The following KDM5B variants were observed in gnomAD, a reference collection of about 807,000 sequenced individuals.
The protein encoded by KDM5B is lysine demethylase 5B, also known as lysine-specific demethylase 5B.
KDM5B carries 144 observed loss-of-function variants against 193.4 expected under a neutral mutation model. That is an observed-to-expected ratio of 0.74 (90% CI 0.65 to 0.86). KDM5B has a LOEUF of 0.86. KDM5B is among the 40% of genes least tolerant of loss of function. The probability of loss-of-function intolerance (pLI) is 0.00; values close to 1 mark genes in which losing one functional copy is unlikely to be tolerated. For synonymous variants in KDM5B, 668 were observed against 682.6 expected, an observed-to-expected ratio of 0.98 and a Z score of 0.33; for missense variants, 1,833 against 1,886.9, an observed-to-expected ratio of 0.97 and a Z score of 0.53.
Position 202,733,650 on chromosome 1 carries a change from A to G in KDM5B, c.3660T>C (p.His1220=). The change falls in exon 23 of 27, where the codon CAT becomes CAC. Residue 1220 remains histidine (H), a synonymous_variant. Coordinates refer to ENST00000367265, the MANE Select transcript of KDM5B (RefSeq NM_006618.5). The stretch of plus-strand genomic sequence containing the variant: ...ATGGAGGTTTCTCTGACCTCCGACA[A>G]TGGGGACAAAGCCAGATTCGCAGGC... ...SQGLRIWLCP[H]CRRSEKPPLE... is the part of the protein sequence containing the mutation. The G allele has an allele frequency of 6.2e-7, 1 of 1,614,090 alleles. No homozygotes were observed. The highest frequency in any genetic ancestry group is 1.3e-5 in the African/African-American group (1 of 75,030).
chr1:202,774,496 G>A, intron 3 of KDM5B, 117 bp downstream of exon 3: 2 of 869,476 alleles, frequency 2.3e-6, no homozygotes, highest in Non-Finnish European at 3.6e-6. Context: ...CCAAAGTGCT[G>A]AGATTACAGG....
At chr1:202,788,447 A>C (rs541577498) in intron 1 of KDM5B, among the ~76,000 whole-genome samples, 8 of 152,248 alleles carry the variant, frequency 5.3e-5, no homozygotes, top group Non-Finnish European at 1.2e-4. Context: ...AGTAAATAAA[A>C]ATATAGTAGT....
intron 13 of KDM5B, 40 bp downstream of exon 13, chr1:202,750,616 AAAC>A: frequency 6.3e-7 from 1 of 1,599,384 alleles, no homozygotes; most frequent in South Asian, 1.1e-5. Flanking sequence ...TCCTCAGGAA[AAAC>A]AATAAATTTG....
At chr1:202,773,934 G>A (rs753826659) in intron 3 of KDM5B, among the ~76,000 whole-genome samples, 4 of 151,908 alleles carry the variant, frequency 2.6e-5, no homozygotes, top group South Asian at 2.1e-4. Context: ...ACGGGGTTTC[G>A]ACATGTTGGT....
chr1:202,753,664 G>T lies in KDM5B; in HGVS notation c.1539-597C>A, dbSNP rs868353990. On this transcript the variant is annotated intron_variant, in intron 11 of 26. Transcript: ENST00000367265. Reference sequence around the variant, plus strand: ...CTAGAATTTCTCTTTTGTTGTTGTTGTTTTTTTTTTGTTTTTTTTTTTTGA... The same window carrying T: ...CTAGAATTTCTCTTTTGTTGTTGTTTTTTTTTTTTTGTTTTTTTTTTTTGA... 4.3e-4 allele frequency among the ~76,000 whole-genome samples: 45 copies of T among 105,782 alleles called. 1 individual carries two copies. Among genetic ancestry groups the T allele is most frequent in the Non-Finnish European group, 7.6e-4 (37 of 48,748 alleles). 69.4% of individuals were successfully genotyped at this position (105,782 alleles called of 152,430 possible).
chr1:202,785,671 G>T (rs1472348833), intron 1 of KDM5B, among the ~76,000 whole-genome samples: 1 of 152,142 alleles, frequency 6.6e-6, no homozygotes, highest in Admixed American at 6.5e-5. Flanking sequence ...CAGCACTTTG[G>T]GAAGCCAAGG....
chr1:202,808,031 C>T lies in KDM5B; in HGVS notation c.204+71G>A. The T allele has an allele frequency of 2.7e-6, 4 of 1,489,692 alleles. No individual in the cohort carries two copies. In the Admixed American group the frequency reaches 8.8e-5, roughly 33 times the overall value. The allele number at this position is 1,489,692 out of a possible 1,614,324, so 92.3% of individuals were successfully genotyped here. A position where few individuals can be genotyped will look rare whatever the true frequency, so the allele number is the denominator to read the frequency against. On this transcript the variant is annotated intron_variant, in intron 1 of 26. Transcript: ENST00000367265. ...GCTCCCCGCCCCCCGCGCCTCGGGC[C>T]TCCCCGGACCCGCGCGTCCCCGCTC...
chr1:202,736,330 G>C lies in KDM5B; in HGVS notation c.3147C>G (p.Ile1049Met). ...TTGGCAAAGAATTCAGATGTACGGG[G>C]ATAGATCGGCCTCGTGTAACAAGTT... The part of the protein sequence containing the change: ...LIELVTRGRS[I>M]PVHLNSLPRL... The change falls in exon 21 of 27, where the codon ATC becomes ATG. Residue 1049 changes from isoleucine to methionine, a missense_variant. Around this residue, in one of 3 missense-constraint regions of KDM5B, gnomAD observed 1,379 missense variants for 1,349.6 expected, o/e 1.02. Coordinates refer to ENST00000367265, the MANE Select transcript of KDM5B (RefSeq NM_006618.5). 6.2e-7 allele frequency: 1 copy of C among 1,612,178 alleles called. No individual in the cohort carries two copies. Among genetic ancestry groups the C allele is most frequent in the Non-Finnish European group, 8.5e-7 (1 of 1,178,996 alleles).
intron 14 of KDM5B, among the ~76,000 whole-genome samples, chr1:202,748,510 TA>T (rs35471222): frequency 0.023 from 3,321 of 145,318 alleles, 97 homozygotes; most frequent in African/African-American, 0.07. Context: ...CTATCTGATT[TA>T]AAAAAAAAAA....
At chr1:202,739,671 T>A (rs995711242) in intron 20 of KDM5B, among the ~76,000 whole-genome samples, 11 of 152,122 alleles carry the variant, frequency 7.2e-5, no homozygotes, top group Non-Finnish European at 1.2e-4. Context: ...GGAGTGGTGA[T>A]GATTCTTAAT....
At chr1:202,748,907 C>A in intron 14 of KDM5B, 38 bp downstream of exon 14, 1 of 1,531,966 alleles carries the variant, frequency 6.5e-7, no homozygotes, top group South Asian at 1.2e-5. Flanking sequence ...TAAATAATAC[C>A]CAATGACAAC....
In KDM5B at chr1:202,764,103, T is replaced by C. The variant is rs764119486; in HGVS notation, c.754A>G (p.Arg252Gly). 2.5e-6 allele frequency: 4 copies of C among 1,588,614 alleles called. No homozygotes were observed. In the South Asian group the frequency reaches 3.5e-5, roughly 14 times the overall value. The change falls in exon 6 of 27, where the codon AGA (arginine) becomes GGA (glycine). Residue 252 changes from arginine to glycine, a missense_variant. Arg to Gly is a moderately radical substitution (Grantham distance 125, BLOSUM62 -2). Transcript: ENST00000367265. ...KIEPEETTEA[R>G]THNLRRRMGC... The stretch of plus-strand genomic sequence containing the variant: ...ATTCGACGTCTCAGATTATGAGTTC[T>C]GGCTTCCGTTGTCTCCTCGGGTTCT...
intron 1 of KDM5B, among the ~76,000 whole-genome samples, chr1:202,798,831 G>A (rs751532341): frequency 3.3e-5 from 5 of 152,056 alleles, no homozygotes; most frequent in Non-Finnish European, 5.9e-5. Flanking sequence ...AACCAGCCTC[G>A]GCAACACAGC....
chr1:202,794,533 CACATAAAGT>C (rs1322201434), intron 1 of KDM5B, among the ~76,000 whole-genome samples: 1 of 152,182 alleles, frequency 6.6e-6, no homozygotes, highest in Non-Finnish European at 1.5e-5. Context: ...TGCCTAAGGG[CACATAAAGT>C]ACATAGCTGG....
chr1:202,740,813 C>G lies in KDM5B; in HGVS notation c.2946-1G>C. 6.2e-7 allele frequency: 1 copy of G among 1,604,360 alleles called. No individual in the cohort carries two copies. Among genetic ancestry groups the G allele is most frequent in the Non-Finnish European group, 8.5e-7 (1 of 1,174,782 alleles). On this transcript the variant is annotated splice_acceptor_variant, in intron 19 of 26. Coordinates refer to ENST00000367265, the MANE Select transcript of KDM5B (RefSeq NM_006618.5). LOFTEE classifies it high-confidence loss of function. ...AAGGCTATTCAATGAATGTCGTGGCCTACAAAATGCAAACAAAGACTTCTT... is the reference window on the plus strand; with the variant it reads ...AAGGCTATTCAATGAATGTCGTGGCGTACAAAATGCAAACAAAGACTTCTT...
intron 1 of KDM5B, chr1:202,806,949 CAAA>C (rs949408577): frequency 6.6e-6 from 1 of 151,588 alleles, no homozygotes; most frequent in African/African-American, 2.4e-5. Context: ...GAAAGGTGGG[CAAA>C]AAAAACAGGG....
chr1:202,728,766 G>C lies in KDM5B; in HGVS notation c.*270C>G. On this transcript the variant is annotated 3_prime_UTR_variant, in exon 27 of 27. Coordinates refer to ENST00000367265, the MANE Select transcript of KDM5B (RefSeq NM_006618.5). ...AGCTTCAATGCCTTCCAAATTGGTG[G>C]GAACCCCTGCAAAAAAAACAGTCAG... 2.9e-6 allele frequency: 1 copy of C among 347,646 alleles called. No homozygotes were observed. The highest frequency in any genetic ancestry group is 5.5e-5 in the East Asian group (1 of 18,100). 21.5% of individuals were successfully genotyped at this position (347,646 alleles called of 1,614,324 possible). A position where few individuals can be genotyped will look rare whatever the true frequency, so the allele number is the denominator to read the frequency against.
intron 20 of KDM5B, among the ~76,000 whole-genome samples, chr1:202,737,769 G>A (rs897100057): frequency 2.0e-5 from 3 of 152,150 alleles, no homozygotes; most frequent in Non-Finnish European, 2.9e-5. Context: ...AAAGTGGGGT[G>A]GGGAGGAAAA....
At chr1:202,766,858 C>T in intron 5 of KDM5B, 68 bp downstream of exon 5, 5 of 1,476,882 alleles carry the variant, frequency 3.4e-6, no homozygotes, top group Non-Finnish European at 4.5e-6. Flanking sequence ...GAGAGAAATC[C>T]AGTGCCAGAC....
Sources: gnomAD v4.1 joint callset for allele counts (sites outside exome capture counted in the v4.1 genomes callset) on GRCh38, gnomAD v4.1.1 for gene constraint, gnomAD v4.1.1 regional missense constraint, MANE v1.5 for transcripts, NCBI Gene and HGNC (gene_info 2026-07-23, HGNC 2026-07-21) for gene names.